Variants in DDX10 observed in about 807,000 individuals in gnomAD.
DDX10 encodes the protein DEAD-box helicase 10, also known as probable ATP-dependent RNA helicase DDX10.
A neutral mutation model predicts 104.3 loss-of-function variants in DDX10; 74 were observed. The observed-to-expected ratio is 0.71, with a 90% CI of 0.59 to 0.86. The LOEUF (loss-of-function observed/expected upper bound fraction) is 0.86, where lower values mean the gene tolerates loss of function less well. DDX10 is among the 40% of genes least tolerant of loss of function. The pLI, the probability that DDX10 is intolerant of heterozygous loss-of-function variation, is 0.00. For synonymous variants in DDX10, 351 were observed against 353.4 expected (o/e 0.99, Z 0.08); for missense variants, 952 against 1,040.0 (o/e 0.92, Z 1.16).
chr11:108,788,736 G>T (rs1267876808), intron 13 of DDX10, among the ~76,000 whole-genome samples: 1 of 152,220 alleles, frequency 6.6e-6, no homozygotes, highest in Non-Finnish European at 1.5e-5. Context: ...ATTTTGGGCT[G>T]CAATCCAGTA....
intron 9 of DDX10, among the ~76,000 whole-genome samples, chr11:108,697,482 CT>C (rs889939563): frequency 6.6e-6 from 1 of 152,026 alleles, no homozygotes; most frequent in Non-Finnish European, 1.5e-5. Context: ...TTTGGGGAAT[CT>C]TTTTTTCTTT....
At chr11:108,671,150 G>C (rs892921099) in intron 1 of DDX10, among the ~76,000 whole-genome samples, 1 of 152,110 alleles carries the variant, frequency 6.6e-6, no homozygotes, top group African/African-American at 2.4e-5. Flanking sequence ...CCTAAGAAAG[G>C]GATAAAGGGA....
rs1591800644 is a variant in DDX10 at position 108,720,512 on chromosome 11, C to G, written c.1499+627C>G. 2.0e-5 allele frequency among the ~76,000 whole-genome samples: 3 copies of G among 152,258 alleles called. No individual in the cohort carries two copies. In the East Asian group the frequency reaches 5.8e-4, roughly 29 times the overall value. On this transcript the variant is annotated intron_variant, in intron 12 of 17. Transcript: ENST00000322536. ...TTACAGGTACTCATAGTTACTATGG[C>G]AAGATGCTCCTTTTTAGTAACTGAG...
chr11:108,785,382 GC>G (rs1304889653), intron 13 of DDX10, among the ~76,000 whole-genome samples: 2 of 151,312 alleles, frequency 1.3e-5, no homozygotes, highest in African/African-American at 4.8e-5. Flanking sequence ...TTGGCCCGAA[GC>G]TTTTTTGTTG....
intron 16 of DDX10, among the ~76,000 whole-genome samples, chr11:108,861,399 C>T (rs1446736298): frequency 6.6e-6 from 1 of 152,028 alleles, no homozygotes; most frequent in African/African-American, 2.4e-5. Flanking sequence ...GTATCACTGT[C>T]AGAGACTAGA....
chr11:108,670,523 C>G (rs554137951), intron 1 of DDX10, among the ~76,000 whole-genome samples: 2 of 152,114 alleles, frequency 1.3e-5, no homozygotes, highest in South Asian at 4.1e-4. Flanking sequence ...AGGAGCAGCC[C>G]GGGGGAAGCA....
chr11:108,677,889 G>C (rs1337700147), intron 4 of DDX10, among the ~76,000 whole-genome samples: 4 of 151,876 alleles, frequency 2.6e-5, no homozygotes, highest in Non-Finnish European at 5.9e-5. Context: ...AGTGGTTCTT[G>C]TATCAAGGAG....
chr11:108,721,147 A>G (rs1011375012), intron 12 of DDX10, among the ~76,000 whole-genome samples: 1 of 152,214 alleles, frequency 6.6e-6, no homozygotes, highest in Non-Finnish European at 1.5e-5. Flanking sequence ...TAACTACAAC[A>G]TATATCTAAG....
Position 108,665,139 on chromosome 11 carries a change from G to GCCC in DDX10, c.-13_-12insCCC. 6.3e-7 allele frequency: 1 copy of GCCC among 1,577,662 alleles called. No homozygotes were observed. The highest frequency in any genetic ancestry group is 2.3e-5 in the East Asian group (1 of 43,328). ...GTGTCTGGGGTTGATCCGAGCTGTC[G>GCCC]CCGCCGCCGCCGCAATGGGCAAAAC... On this transcript the variant is annotated 5_prime_UTR_variant, in exon 1 of 18. Coordinates refer to ENST00000322536, the MANE Select transcript of DDX10 (RefSeq NM_004398.4).
chr11:108,669,134 C>T (rs2094213844), intron 1 of DDX10, among the ~76,000 whole-genome samples: 1 of 151,318 alleles, frequency 6.6e-6, no homozygotes, highest in African/African-American at 2.4e-5. Context: ...CACTCTATCA[C>T]CCAGGCTAGA....
intron 9 of DDX10, among the ~76,000 whole-genome samples, chr11:108,700,320 T>C (rs1042445214): frequency 6.6e-6 from 1 of 152,216 alleles, no homozygotes; most frequent in African/African-American, 2.4e-5. Context: ...AGGAAACTCT[T>C]TCTCAGAGAC....
chr11:108,837,660 G>C, intron 13 of DDX10, among the ~76,000 whole-genome samples: 1 of 100,858 alleles, frequency 9.9e-6, no homozygotes, highest in African/African-American at 3.8e-5. Flanking sequence ...GCCTTGCTCT[G>C]TCCTCAGGCT....
intron 9 of DDX10, among the ~76,000 whole-genome samples, chr11:108,696,609 A>T (rs1434711729): frequency 2.6e-5 from 4 of 152,102 alleles, no homozygotes; most frequent in African/African-American, 9.7e-5. Flanking sequence ...GTACCTGTGC[A>T]CATATCTGCA....
chr11:108,739,602 A>G (rs1451547017), intron 13 of DDX10, among the ~76,000 whole-genome samples: 2 of 152,236 alleles, frequency 1.3e-5, no homozygotes, highest in African/African-American at 4.8e-5. Flanking sequence ...AATCATTAGA[A>G]GCTTTTCCAT....
intron 16 of DDX10, among the ~76,000 whole-genome samples, chr11:108,913,049 C>T (rs931303303): frequency 1.3e-5 from 2 of 151,978 alleles, no homozygotes; most frequent in African/African-American, 2.4e-5. Context: ...GAGGTAAAAA[C>T]GAGGATGGTT....
intron 16 of DDX10, among the ~76,000 whole-genome samples, chr11:108,914,534 C>G (rs1241176017): frequency 6.6e-6 from 1 of 152,138 alleles, no homozygotes; most frequent in Non-Finnish European, 1.5e-5. Context: ...CAGTTTTAAT[C>G]TAGGCAAAGT....
intron 13 of DDX10, among the ~76,000 whole-genome samples, chr11:108,818,761 C>T (rs748865571): frequency 5.3e-5 from 8 of 152,156 alleles, no homozygotes; most frequent in Admixed American, 5.2e-4. Flanking sequence ...TGGAAATGAC[C>T]ACACTGAATG....
chr11:108,692,572 G>A (rs2134451149), intron 8 of DDX10, among the ~76,000 whole-genome samples: 1 of 152,286 alleles, frequency 6.6e-6, no homozygotes, highest in Admixed American at 6.5e-5. Flanking sequence ...AGAATAAATA[G>A]GTGATAATTT....
intron 17 of DDX10, among the ~76,000 whole-genome samples, chr11:108,924,315 A>C (rs1863879785): frequency 6.6e-6 from 1 of 152,188 alleles, no homozygotes. Context: ...TACATGGTGC[A>C]GGGTATTTCG....
Sources: gnomAD v4.1 joint callset for allele counts (sites outside exome capture counted in the v4.1 genomes callset) on GRCh38, gnomAD v4.1.1 for gene constraint, MANE v1.5 for transcripts, NCBI Gene and HGNC (gene_info 2026-07-23, HGNC 2026-07-21) for gene names.